KMT2E: variants seen among roughly 807,000 people sequenced by gnomAD.
The protein encoded by KMT2E is histone reader KMT2E.
Under a neutral mutation model 184.6 loss-of-function variants are expected in KMT2E, and 30 were observed. That is an observed-to-expected ratio of 0.16 (90% CI 0.12 to 0.22). KMT2E has a LOEUF of 0.22. Ranked by LOEUF, KMT2E falls within the 10% of genes least tolerant of loss-of-function variation. KMT2E has a pLI of 1.00. For missense variants in KMT2E, 2,023 were observed against 2,237.4 expected (o/e 0.90, Z 1.93); for synonymous variants, 815 against 776.5 (o/e 1.05, Z -0.82).
At chr7:105,070,248 T>C (rs1797226736) in intron 6 of KMT2E, among the ~76,000 whole-genome samples, 1 of 152,114 alleles carries the variant, frequency 6.6e-6, no homozygotes, top group African/African-American at 2.4e-5. Flanking sequence ...TGTTTAGATA[T>C]TTATGATATT....
chr7:105,074,770 GA>G lies in KMT2E; in HGVS notation c.691del (p.Ser231AlafsTer73), dbSNP rs1207852808. ...TTTCCAAAGTTAATGATAAAAGAAG[GA>G]AAAAAAGCGGGGAGAAAGAACAACA... is the stretch of plus-strand genomic sequence containing the variant. Reference protein sequence around the residue: ...RVSKVNDKRRKKSGEKEQHIS... With the variant: ...RVSKVNDKRRXKSGEKEQHIS... On this transcript the variant is annotated frameshift_variant, in exon 8 of 27. Coordinates refer to ENST00000311117, the MANE Select transcript of KMT2E (RefSeq NM_182931.3). LOFTEE classifies it high-confidence loss of function. The G allele has an allele frequency of 3.1e-6, 5 of 1,604,076 alleles. No homozygotes were observed. Among genetic ancestry groups the G allele is most frequent in the Admixed American group, 1.7e-5 (1 of 57,610 alleles).
At chr7:105,034,340 C>T (rs1044438337) in intron 1 of KMT2E, among the ~76,000 whole-genome samples, 32 of 152,124 alleles carry the variant, frequency 2.1e-4, no homozygotes, top group African/African-American at 6.3e-4. Context: ...TCAGACGATC[C>T]TCCTACCTCA....
At chr7:105,054,216 C>T (rs1279533453) in intron 3 of KMT2E, among the ~76,000 whole-genome samples, 1 of 151,080 alleles carries the variant, frequency 6.6e-6, no homozygotes, top group Non-Finnish European at 1.5e-5. Context: ...AGAAAGGCTG[C>T]AGAGAATTAA....
intron 1 of KMT2E, among the ~76,000 whole-genome samples, chr7:105,028,693 G>A (rs1795273733): frequency 6.6e-6 from 1 of 151,506 alleles, no homozygotes; most frequent in South Asian, 2.1e-4. Flanking sequence ...TTGTAGAGAT[G>A]GGATTTCACC....
At chr7:105,015,143 T>C (rs990460478) in intron 1 of KMT2E, among the ~76,000 whole-genome samples, 1 of 152,118 alleles carries the variant, frequency 6.6e-6, no homozygotes, top group South Asian at 2.1e-4. Flanking sequence ...GTACCCAGCC[T>C]TCTCAGTCTC....
At chr7:105,089,823 A>C (rs1798128406) in intron 13 of KMT2E, among the ~76,000 whole-genome samples, 186 bp from the exon 14 acceptor site, 1 of 152,098 alleles carries the variant, frequency 6.6e-6, no homozygotes, top group South Asian at 2.1e-4. Context: ...ACATCTAATT[A>C]TTATATTATT....
chr7:105,101,364 G>C, intron 15 of KMT2E, 61 bp from the exon 16 acceptor site: 1 of 1,151,752 alleles, frequency 8.7e-7, no homozygotes, highest in Middle Eastern at 2.3e-4. Context: ...CAAACATTTG[G>C]ACTTAATTTT....
At chr7:105,092,684 G>C (rs1265964185) in intron 15 of KMT2E, among the ~76,000 whole-genome samples, 1 of 152,160 alleles carries the variant, frequency 6.6e-6, no homozygotes, top group Non-Finnish European at 1.5e-5. Context: ...TAAGTTATGT[G>C]TGCCTTTTCA....
intron 12 of KMT2E, among the ~76,000 whole-genome samples, chr7:105,080,038 G>A (rs1336574684): frequency 9.2e-5 from 14 of 151,726 alleles, no homozygotes; most frequent in Non-Finnish European, 2.1e-4. Flanking sequence ...GTAGAGTTGG[G>A]TTCTCCCTAT....
chr7:105,020,936 T>G (rs1794924097), intron 1 of KMT2E, among the ~76,000 whole-genome samples: 2 of 152,234 alleles, frequency 1.3e-5, no homozygotes, highest in Middle Eastern at 3.4e-3. Flanking sequence ...ATGAGAAACA[T>G]ACACTCTTCT....
chr7:105,066,713 T>G lies in KMT2E; in HGVS notation c.417-14T>G. 6.8e-7 allele frequency: 1 copy of G among 1,469,638 alleles called. No homozygotes were observed. Among genetic ancestry groups the G allele is most frequent in the East Asian group, 2.4e-5 (1 of 41,428 alleles). 91.0% of individuals were successfully genotyped at this position (1,469,638 alleles called of 1,614,324 possible). On this transcript the variant is annotated splice_polypyrimidine_tract_variant and intron_variant, in intron 5 of 26. Coordinates refer to ENST00000311117, the MANE Select transcript of KMT2E (RefSeq NM_182931.3). ...TAAATAATATTACATATGTTCTGCT[T>G]TTTTTTTTTTAAGCGTTTGGCAACA...
chr7:105,090,218 C>T lies in KMT2E; in HGVS notation c.1568C>T (p.Pro523Leu), dbSNP rs923341599. 6.2e-7 allele frequency: 1 copy of T among 1,606,368 alleles called. No individual in the cohort carries two copies. The highest frequency in any genetic ancestry group is 1.4e-5 in the African/African-American group (1 of 73,952). The change falls in exon 14 of 27, where the codon CCA (proline) becomes CTA (leucine). Residue 523 changes from proline to leucine, a missense_variant. Physicochemically the swap from Pro to Leu is moderately conservative, Grantham distance 98. Around this residue, in one of 8 missense-constraint regions of KMT2E, gnomAD observed 514 missense variants for 621.8 expected, o/e 0.83. Transcript: ENST00000311117. ...GGAACGACCAACAAAATGAAGAGCC[C>T]AGAAACTAAACAAAGAAAGCTTTCT... ...CEGTTNKMKSPETKQRKLSPL... is the reference protein window; with the variant it reads ...CEGTTNKMKSLETKQRKLSPL...
At chr7:105,057,392 A>G (rs1486467774) in intron 3 of KMT2E, among the ~76,000 whole-genome samples, 2 of 152,138 alleles carry the variant, frequency 1.3e-5, no homozygotes, top group East Asian at 1.9e-4. Context: ...CTTAGCTTCA[A>G]CAGTATTCAA....
intron 23 of KMT2E, among the ~76,000 whole-genome samples, chr7:105,109,758 A>G (rs2129570052): frequency 6.6e-6 from 1 of 152,300 alleles, no homozygotes; most frequent in East Asian, 1.9e-4. Context: ...CTTTTCACCA[A>G]TAAATTGCTG....
chr7:105,017,900 T>TA (rs2129563789), intron 1 of KMT2E, among the ~76,000 whole-genome samples: 1 of 152,318 alleles, frequency 6.6e-6, no homozygotes, highest in African/African-American at 2.4e-5. Flanking sequence ...GTAAGACTGA[T>TA]AACTGCCCTA....
chr7:105,087,823 CT>C (rs144913829), intron 13 of KMT2E, among the ~76,000 whole-genome samples: 1,525 of 103,820 alleles, frequency 0.015, 24 homozygotes, highest in East Asian at 0.078. Context: ...TGTTTTCTTG[CT>C]TTTTTTTTTT....
At chr7:105,092,903 A>C (rs1473724879) in intron 15 of KMT2E, among the ~76,000 whole-genome samples, 1 of 152,162 alleles carries the variant, frequency 6.6e-6, no homozygotes, top group Non-Finnish European at 1.5e-5. Context: ...GAAATAAAAA[A>C]AAATCATAGG....
At chr7:105,095,389 T>A (rs1312564097) in intron 15 of KMT2E, among the ~76,000 whole-genome samples, 1 of 152,188 alleles carries the variant, frequency 6.6e-6, no homozygotes, top group Non-Finnish European at 1.5e-5. Flanking sequence ...GGGGGAAATC[T>A]TGGAGAGAGC....
intron 1 of KMT2E, among the ~76,000 whole-genome samples, chr7:105,026,123 T>G (rs1795167456): frequency 6.6e-6 from 1 of 152,196 alleles, no homozygotes; most frequent in East Asian, 1.9e-4. Flanking sequence ...TAATTCTCCA[T>G]GTTAACTTTG....
Sources: allele counts gnomAD v4.1 joint callset (sites outside exome capture counted in the v4.1 genomes callset), GRCh38; gene constraint gnomAD v4.1.1; regional missense constraint gnomAD v4.1.1; transcripts MANE v1.5; gene names NCBI Gene and HGNC (gene_info 2026-07-23, HGNC 2026-07-21).